The following SGCZ variants were observed in gnomAD, a reference collection of about 807,000 sequenced individuals.
SGCZ encodes the protein zeta-sarcoglycan.
In SGCZ, 40 loss-of-function variants were observed where a neutral mutation model predicts 41.3. That is an observed-to-expected ratio of 0.97 (90% CI 0.75 to 1.26). The LOEUF is 1.26. Among genes scored for constraint, SGCZ ranks in the 50% most tolerant of loss-of-function variants. The probability of loss-of-function intolerance (pLI) is 0.00; values close to 1 mark genes in which losing one functional copy is unlikely to be tolerated. For synonymous variants in SGCZ, 206 were observed against 137.5 expected (o/e 1.50, Z -3.49); for missense variants, 552 against 369.8 (o/e 1.49, Z -4.04).
At chr8:14,134,664 A>G (rs558309220) in intron 5 of SGCZ, among the ~76,000 whole-genome samples, 4 of 152,170 alleles carry the variant, frequency 2.6e-5, no homozygotes, top group South Asian at 2.1e-4. Flanking sequence ...CTCTTTACCT[A>G]TGTGGGAAAA....
chr8:14,786,501 A>C (rs898576122), intron 1 of SGCZ, among the ~76,000 whole-genome samples: 1 of 152,146 alleles, frequency 6.6e-6, no homozygotes, highest in Non-Finnish European at 1.5e-5. Flanking sequence ...GTACATGAGA[A>C]TGGTACTATA....
chr8:14,911,667 CA>C (rs1370857110), intron 1 of SGCZ, among the ~76,000 whole-genome samples: 1 of 152,036 alleles, frequency 6.6e-6, no homozygotes, highest in East Asian at 1.9e-4. Flanking sequence ...TAATTTGTTA[CA>C]ATGAGAATAT....
chr8:14,284,004 T>C (rs562803859), intron 3 of SGCZ, among the ~76,000 whole-genome samples: 37 of 152,386 alleles, frequency 2.4e-4, no homozygotes, highest in Admixed American at 4.6e-4. Flanking sequence ...ATTAGGCATA[T>C]GTAAATTTAA....
chr8:14,446,231 T>C (rs865908339), intron 2 of SGCZ, among the ~76,000 whole-genome samples: 5 of 152,174 alleles, frequency 3.3e-5, no homozygotes, highest in African/African-American at 1.2e-4. Context: ...CAAATCTACC[T>C]AGTAGCTACT....
chr8:14,560,194 C>T (rs1282900639), intron 1 of SGCZ, among the ~76,000 whole-genome samples: 1 of 151,872 alleles, frequency 6.6e-6, no homozygotes, highest in Non-Finnish European at 1.5e-5. Context: ...TTCAAAAGAG[C>T]TAGGAGAGAA....
At chr8:15,206,883 G>C (rs1801085983) in intron 1 of SGCZ, among the ~76,000 whole-genome samples, 1 of 152,102 alleles carries the variant, frequency 6.6e-6, no homozygotes, top group African/African-American at 2.4e-5. Flanking sequence ...AAAGGGGTCA[G>C]AATTGGAATG....
chr8:14,244,903 T>C (rs9325696), intron 3 of SGCZ, among the ~76,000 whole-genome samples: 101,064 of 151,604 alleles, frequency 0.67, 34,064 homozygotes, highest in South Asian at 0.79. Flanking sequence ...TTGTCTGTTA[T>C]TGGTGTATAA....
intron 5 of SGCZ, among the ~76,000 whole-genome samples, chr8:14,153,921 TCTCACACA>T (rs1422576564): frequency 8.5e-6 from 1 of 117,100 alleles, no homozygotes; most frequent in Non-Finnish European, 1.6e-5. Flanking sequence ...TCTCTCTCTC[TCTCACACA>T]CACACACACA....
intron 1 of SGCZ, among the ~76,000 whole-genome samples, chr8:15,059,329 C>G (rs916879564): frequency 6.6e-6 from 1 of 152,054 alleles, no homozygotes; most frequent in South Asian, 2.1e-4. Context: ...ATCTTACCTC[C>G]TAAGGAGCAC....
chr8:14,955,918 C>T (rs1223341006), intron 1 of SGCZ, among the ~76,000 whole-genome samples: 1 of 151,764 alleles, frequency 6.6e-6, no homozygotes, highest in East Asian at 1.9e-4. Flanking sequence ...TTGAATGTAC[C>T]AATATTTTGC....
chr8:14,571,616 A>T (rs1804558256), intron 1 of SGCZ, among the ~76,000 whole-genome samples: 1 of 152,100 alleles, frequency 6.6e-6, no homozygotes, highest in Admixed American at 6.6e-5. Context: ...GTAAAAATGC[A>T]TTTTCTCCAG....
chr8:15,064,774 C>T (rs1187284597), intron 1 of SGCZ, among the ~76,000 whole-genome samples: 2 of 152,100 alleles, frequency 1.3e-5, no homozygotes, highest in East Asian at 3.9e-4. Context: ...AAACTGAGCT[C>T]CCATCTCCTG....
chr8:14,782,212 T>C (rs1800613458), intron 1 of SGCZ, among the ~76,000 whole-genome samples: 1 of 152,198 alleles, frequency 6.6e-6, no homozygotes, highest in South Asian at 2.1e-4. Flanking sequence ...CTAAAACTTA[T>C]TAAGCACTTC....
At chr8:15,016,428 C>T (rs1352279476) in intron 1 of SGCZ, among the ~76,000 whole-genome samples, 2 of 152,174 alleles carry the variant, frequency 1.3e-5, no homozygotes, top group African/African-American at 4.8e-5. Context: ...AGAAATGGCT[C>T]TCTCCTGTTT....
Position 14,316,757 on chromosome 8 carries a change from T to C in SGCZ, c.336+7346A>G, listed in dbSNP as rs560026776. Among the ~76,000 whole-genome samples, 10 of 151,824 alleles carry C rather than the reference T, an allele frequency of 6.6e-5. No homozygotes were observed. In the South Asian group the frequency reaches 1.5e-3, roughly 22 times the overall value. On this transcript the variant is annotated intron_variant, in intron 3 of 7. Transcript: ENST00000382080. ...AACGATTCATTCCACGGAAATCTTA[T>C]AATTCCCATCTATTCTTACTTCCTT...
chr8:14,463,880 ATG>A (rs35406761), intron 2 of SGCZ, among the ~76,000 whole-genome samples: 6,161 of 147,360 alleles, frequency 0.042, 414 homozygotes, highest in African/African-American at 0.15. Context: ...TGAGATGATC[ATG>A]TGTTTTTCTG....
intron 1 of SGCZ, among the ~76,000 whole-genome samples, chr8:14,875,499 T>A (rs1326962795): frequency 6.6e-6 from 1 of 152,104 alleles, no homozygotes; most frequent in African/African-American, 2.4e-5. Context: ...GAAAGCAGCG[T>A]CAGGGAGCAG....
At chr8:14,459,165 G>A (rs999444094) in intron 2 of SGCZ, among the ~76,000 whole-genome samples, 1 of 151,974 alleles carries the variant, frequency 6.6e-6, no homozygotes, top group Admixed American at 6.6e-5. Context: ...ACTATCGAGA[G>A]GACAAAAAAC....
chr8:15,069,601 C>T (rs1805277565), intron 1 of SGCZ, among the ~76,000 whole-genome samples: 1 of 152,182 alleles, frequency 6.6e-6, no homozygotes, highest in Admixed American at 6.5e-5. Context: ...TTTTAATTCA[C>T]TCTGACAGTT....
Sources: gnomAD v4.1 joint callset for allele counts (sites outside exome capture counted in the v4.1 genomes callset) on GRCh38, gnomAD v4.1.1 for gene constraint, MANE v1.5 for transcripts, NCBI Gene and HGNC (gene_info 2026-07-23, HGNC 2026-07-21) for gene names.